ERBB4: variants seen among roughly 807,000 people sequenced by gnomAD.
ERBB4 encodes the protein erb-b2 receptor tyrosine kinase 4.
Under a neutral mutation model 158.0 loss-of-function variants are expected in ERBB4, and 42 were observed. The ratio of observed to expected loss-of-function variants is 0.27; its 90% CI spans 0.21 to 0.34. ERBB4 has a LOEUF of 0.34. Ranked by LOEUF, ERBB4 falls within the 10% of genes least tolerant of loss-of-function variation. The pLI is 1.00. For missense variants in ERBB4, 1,333 were observed against 1,624.1 expected, an observed-to-expected ratio of 0.82 and a Z score of 3.08; for synonymous variants, 583 against 558.7, an observed-to-expected ratio of 1.04 and a Z score of -0.61.
At chr2:211,972,160 C>T (rs2081472482) in intron 2 of ERBB4, among the ~76,000 whole-genome samples, 1 of 152,004 alleles carries the variant, frequency 6.6e-6, no homozygotes, top group Non-Finnish European at 1.5e-5. Context: ...TATAATGCCA[C>T]ATAAAGAATA....
chr2:212,535,473 G>A (rs182919046), intron 1 of ERBB4, among the ~76,000 whole-genome samples: 2 of 152,210 alleles, frequency 1.3e-5, no homozygotes, highest in East Asian at 1.9e-4. Context: ...TACTTTTATA[G>A]AATGAAAAGC....
intron 25 of ERBB4, among the ~76,000 whole-genome samples, chr2:211,395,147 C>G (rs1199739057): frequency 2.6e-5 from 4 of 152,020 alleles, no homozygotes; most frequent in Admixed American, 2.0e-4. Flanking sequence ...GTCGACTCAT[C>G]GCTTTTTCTT....
intron 1 of ERBB4, among the ~76,000 whole-genome samples, chr2:212,402,699 TAAGTGGTATTAA>T (rs1560222546): frequency 6.6e-6 from 1 of 152,094 alleles, no homozygotes; most frequent in Non-Finnish European, 1.5e-5. Context: ...GTAATTTGCA[TAAGTGGTATTAA>T]AAAAACAACT....
intron 1 of ERBB4, among the ~76,000 whole-genome samples, chr2:212,491,260 T>C (rs1690261768): frequency 6.6e-6 from 1 of 151,682 alleles, no homozygotes; most frequent in African/African-American, 2.4e-5. Flanking sequence ...ACCTATTATG[T>C]ATAAACTTTT....
intron 1 of ERBB4, among the ~76,000 whole-genome samples, chr2:212,148,796 A>T (rs2080769047): frequency 6.8e-6 from 1 of 146,840 alleles, no homozygotes; most frequent in Non-Finnish European, 1.5e-5. Flanking sequence ...CTGGATTAAG[A>T]AAATGTGGCA....
chr2:212,405,644 T>TGAGGA (rs1208355845), intron 1 of ERBB4, among the ~76,000 whole-genome samples: 1 of 152,014 alleles, frequency 6.6e-6, no homozygotes, highest in Non-Finnish European at 1.5e-5. Flanking sequence ...CTGAAAGAGG[T>TGAGGA]GAGGATATAT....
At chr2:212,374,935 A>C (rs971929614) in intron 1 of ERBB4, among the ~76,000 whole-genome samples, 2 of 151,912 alleles carry the variant, frequency 1.3e-5, no homozygotes, top group Non-Finnish European at 2.9e-5. Flanking sequence ...AAGAGTGAAG[A>C]AGAAGTGATA....
chr2:212,041,908 A>G (rs1186225187), intron 2 of ERBB4, among the ~76,000 whole-genome samples: 1 of 152,086 alleles, frequency 6.6e-6, no homozygotes, highest in African/African-American at 2.4e-5. Flanking sequence ...ATATGCTTCA[A>G]TCTATACCTA....
chr2:211,567,728 C>A (rs779873675), intron 19 of ERBB4, among the ~76,000 whole-genome samples: 1 of 150,510 alleles, frequency 6.6e-6, no homozygotes, highest in African/African-American at 2.4e-5. Flanking sequence ...AGAGTATTTG[C>A]GTAATAGTTC....
intron 2 of ERBB4, among the ~76,000 whole-genome samples, chr2:212,056,322 G>T (rs187962289): frequency 6.6e-6 from 1 of 152,150 alleles, no homozygotes; most frequent in African/African-American, 2.4e-5. Context: ...TGAAAGTGAC[G>T]GGGAGAATGG....
chr2:212,358,042 C>T (rs2106355507), intron 1 of ERBB4, among the ~76,000 whole-genome samples: 2 of 151,894 alleles, frequency 1.3e-5, no homozygotes, highest in South Asian at 4.1e-4. Flanking sequence ...AAATGACTTC[C>T]CATAGATGTC....
intron 1 of ERBB4, among the ~76,000 whole-genome samples, chr2:212,197,711 G>T (rs1196433547): frequency 6.6e-6 from 1 of 152,070 alleles, no homozygotes. Flanking sequence ...TTTTAGAAGG[G>T]TGAGCTGGAA....
intron 19 of ERBB4, among the ~76,000 whole-genome samples, chr2:211,585,224 A>C (rs1976833): frequency 0.75 from 113,651 of 151,696 alleles, 44,441 homozygotes; most frequent in East Asian, 0.89. Flanking sequence ...TGGCAGCGGG[A>C]GCCTGTAGTC....
intron 2 of ERBB4, among the ~76,000 whole-genome samples, chr2:211,972,446 G>A (rs907905389): frequency 6.6e-6 from 1 of 152,076 alleles, no homozygotes; most frequent in Non-Finnish European, 1.5e-5. Context: ...CATAGCCAAG[G>A]CAATCCTAAG....
At chr2:211,801,236 T>C (rs1026741698) in intron 3 of ERBB4, among the ~76,000 whole-genome samples, 18 of 152,156 alleles carry the variant, frequency 1.2e-4, no homozygotes, top group Non-Finnish European at 2.4e-4. Context: ...ATTGGATTCA[T>C]ATGATGGGGA....
chr2:211,765,342 A>T (rs2075526020), intron 4 of ERBB4, among the ~76,000 whole-genome samples: 1 of 152,202 alleles, frequency 6.6e-6, no homozygotes, highest in Non-Finnish European at 1.5e-5. Flanking sequence ...AGACTTTGGT[A>T]GGAGGGATAG....
chr2:211,889,585 G>C (rs571313433), intron 3 of ERBB4, among the ~76,000 whole-genome samples: 1 of 151,410 alleles, frequency 6.6e-6, no homozygotes, highest in Admixed American at 6.6e-5. Flanking sequence ...AGAGAAGAAG[G>C]CTTCAGACGA....
chr2:212,114,502 A>C (rs555049189), intron 2 of ERBB4, among the ~76,000 whole-genome samples: 1 of 152,358 alleles, frequency 6.6e-6, no homozygotes, highest in Non-Finnish European at 1.5e-5. Flanking sequence ...GAATTTAATA[A>C]GAATTTTGGA....
At chr2:211,467,152 T>C (rs1365100827) in intron 20 of ERBB4, among the ~76,000 whole-genome samples, 2 of 152,138 alleles carry the variant, frequency 1.3e-5, no homozygotes, top group East Asian at 1.9e-4. Context: ...TAGGAGTTTG[T>C]AGGTTTCATT....
Sources: allele counts gnomAD v4.1 joint callset (sites outside exome capture counted in the v4.1 genomes callset), GRCh38; gene constraint gnomAD v4.1.1; transcripts MANE v1.5; gene names NCBI Gene and HGNC (gene_info 2026-07-23, HGNC 2026-07-21).